CSMD1: variants seen among roughly 807,000 people sequenced by gnomAD.
The protein encoded by CSMD1 is CUB and Sushi multiple domains 1.
Under a neutral mutation model 417.5 loss-of-function variants are expected in CSMD1, and 213 were observed. That is an observed-to-expected ratio of 0.51 (90% CI 0.46 to 0.57). The LOEUF is 0.57. Among genes scored for constraint, CSMD1 ranks in the 20% least tolerant of loss-of-function variants. The probability of loss-of-function intolerance (pLI) is 0.00; values close to 1 mark genes in which losing one functional copy is unlikely to be tolerated. For synonymous variants in CSMD1, 2,862 were observed against 1,736.8 expected (o/e 1.65, Z -16.11); for missense variants, 6,923 against 4,529.7 (o/e 1.53, Z -15.17).
At chr8:4,236,032 TTTGTTTG>T (rs1378302864) in intron 3 of CSMD1, among the ~76,000 whole-genome samples, 5 of 19,880 alleles carry the variant, frequency 2.5e-4, no homozygotes, top group African/African-American at 2.7e-4. Flanking sequence ...TATTGTTTTT[TTTGTTTG>T]TTTTTTTTTT....
At chr8:3,714,726 G>C (rs887619595) in intron 6 of CSMD1, among the ~76,000 whole-genome samples, 1 of 152,028 alleles carries the variant, frequency 6.6e-6, no homozygotes, top group Non-Finnish European at 1.5e-5. Flanking sequence ...CACACAGTGA[G>C]ACCCTTTAGT....
chr8:4,354,493 A>G (rs918744089), intron 3 of CSMD1, among the ~76,000 whole-genome samples: 2 of 152,180 alleles, frequency 1.3e-5, no homozygotes, highest in African/African-American at 4.8e-5. Context: ...TGTCAGAGAG[A>G]AAATCAGAGT....
chr8:3,737,221 AT>A (rs1796566622), intron 6 of CSMD1, among the ~76,000 whole-genome samples: 1 of 133,692 alleles, frequency 7.5e-6, no homozygotes, highest in East Asian at 2.1e-4. Flanking sequence ...ATTATCATTG[AT>A]TTTTTGCTTT....
chr8:3,581,478 G>C (rs149612830), intron 9 of CSMD1, among the ~76,000 whole-genome samples: 1 of 152,278 alleles, frequency 6.6e-6, no homozygotes, highest in East Asian at 1.9e-4. Flanking sequence ...AACCACACCA[G>C]CCTCCAGATG....
chr8:3,946,681 C>T (rs1811249852), intron 5 of CSMD1, among the ~76,000 whole-genome samples: 1 of 152,122 alleles, frequency 6.6e-6, no homozygotes, highest in Non-Finnish European at 1.5e-5. Flanking sequence ...TCTTCTCATT[C>T]ATGGTCTAGT....
At chr8:3,511,885 C>T (rs1024033283) in intron 10 of CSMD1, among the ~76,000 whole-genome samples, 2 of 143,298 alleles carry the variant, frequency 1.4e-5, no homozygotes, top group South Asian at 2.3e-4. Flanking sequence ...ACAGAATTTG[C>T]GTTTTTGTTA....
intron 3 of CSMD1, among the ~76,000 whole-genome samples, chr8:4,149,935 A>C (rs900186354): frequency 6.6e-6 from 1 of 152,224 alleles, no homozygotes; most frequent in African/African-American, 2.4e-5. Context: ...TAAATTGTGA[A>C]CAACAGGAAA....
At chr8:3,845,631 A>C (rs1052553217) in intron 5 of CSMD1, among the ~76,000 whole-genome samples, 1 of 152,160 alleles carries the variant, frequency 6.6e-6, no homozygotes, top group African/African-American at 2.4e-5. Flanking sequence ...GTACTTAGGC[A>C]CACTAAATTC....
At chr8:4,019,683 G>C (rs1216855487) in intron 4 of CSMD1, among the ~76,000 whole-genome samples, 1 of 152,152 alleles carries the variant, frequency 6.6e-6, no homozygotes, top group Non-Finnish European at 1.5e-5. Context: ...CTGAGATAAT[G>C]CTGCTCCTGC....
intron 3 of CSMD1, among the ~76,000 whole-genome samples, chr8:4,102,795 C>G (rs1036329012): frequency 6.6e-6 from 1 of 152,124 alleles, no homozygotes; most frequent in African/African-American, 2.4e-5. Context: ...TGATTTTTCT[C>G]CTTCAGCAGT....
At chr8:3,271,861 T>G (rs1295708049) in intron 26 of CSMD1, among the ~76,000 whole-genome samples, 2 of 152,118 alleles carry the variant, frequency 1.3e-5, no homozygotes, top group Non-Finnish European at 2.9e-5. Context: ...TTGTGAAAAT[T>G]TTCTCCCATT....
chr8:4,465,415 AGCCT>A (rs1800106357), intron 2 of CSMD1, among the ~76,000 whole-genome samples: 1 of 152,130 alleles, frequency 6.6e-6, no homozygotes, highest in Non-Finnish European at 1.5e-5. Context: ...ATGCTGAAGG[AGCCT>A]TGTACGTTCA....
chr8:3,211,051 T>G (rs998401162), intron 30 of CSMD1, among the ~76,000 whole-genome samples: 1 of 152,138 alleles, frequency 6.6e-6, no homozygotes, highest in Non-Finnish European at 1.5e-5. Context: ...AAATTACATC[T>G]TTTGTTTTCT....
intron 8 of CSMD1, among the ~76,000 whole-genome samples, chr8:3,598,939 G>A (rs376808356): frequency 6.0e-4 from 92 of 152,092 alleles, no homozygotes; most frequent in African/African-American, 2.1e-3. Context: ...AAATTAACTG[G>A]GCATGGTGGA....
intron 46 of CSMD1, among the ~76,000 whole-genome samples, chr8:3,106,025 T>C (rs1031229965): frequency 9.2e-5 from 14 of 152,176 alleles, no homozygotes; most frequent in Non-Finnish European, 2.1e-4. Context: ...TAGGACTAGA[T>C]AAAAGAAAAA....
At chr8:3,017,245 C>G (rs1808913517) in intron 52 of CSMD1, among the ~76,000 whole-genome samples, 1 of 152,180 alleles carries the variant, frequency 6.6e-6, no homozygotes, top group Non-Finnish European at 1.5e-5. Context: ...GAGGACCAAG[C>G]TCCAGGCAGA....
chr8:4,232,656 T>G (rs1653695919), intron 3 of CSMD1, among the ~76,000 whole-genome samples: 1 of 152,116 alleles, frequency 6.6e-6, no homozygotes, highest in African/African-American at 2.4e-5. Flanking sequence ...AAATCTTACT[T>G]TCTTAACTAA....
intron 24 of CSMD1, among the ~76,000 whole-genome samples, chr8:3,308,057 ATAATTCTAATAATAT>A (rs1805022481): frequency 9.9e-5 from 3 of 30,386 alleles, no homozygotes; most frequent in Non-Finnish European, 2.2e-4. Context: ...CACTCATGTG[ATAATTCTAATAATAT>A]GTGATAATTC....
intron 8 of CSMD1, among the ~76,000 whole-genome samples, chr8:3,596,902 G>A (rs943107140): frequency 5.3e-5 from 8 of 152,148 alleles, no homozygotes; most frequent in African/African-American, 1.9e-4. Flanking sequence ...CACAATGCAA[G>A]CGCTCAGCAA....
Sources: allele counts gnomAD v4.1 joint callset (sites outside exome capture counted in the v4.1 genomes callset), GRCh38; gene constraint gnomAD v4.1.1; transcripts MANE v1.5; gene names NCBI Gene and HGNC (gene_info 2026-07-23, HGNC 2026-07-21).